The following ARHGAP26 variants were observed in gnomAD, a reference collection of about 807,000 sequenced individuals.
ARHGAP26 encodes the protein Rho GTPase activating protein 26, also known as rho GTPase-activating protein 26.
ARHGAP26 carries 38 observed loss-of-function variants against 104.8 expected under a neutral mutation model. The observed-to-expected ratio is 0.36, with a 90% CI of 0.28 to 0.48. The LOEUF is 0.48. Ranked by LOEUF, ARHGAP26 falls within the 20% of genes least tolerant of loss-of-function variation. The probability of loss-of-function intolerance (pLI) is 0.99; values close to 1 mark genes in which losing one functional copy is unlikely to be tolerated. For missense variants in ARHGAP26, 704 were observed against 947.9 expected (o/e 0.74, Z 3.38); for synonymous variants, 341 against 340.0 (o/e 1.00, Z -0.03).
At chr5:142,797,988 C>T (rs1051772324) in intron 1 of ARHGAP26, among the ~76,000 whole-genome samples, 45 of 152,304 alleles carry the variant, frequency 3.0e-4, no homozygotes, top group African/African-American at 8.9e-4. Context: ...TCTTCTTTTC[C>T]GCTATGTCCC....
intron 22 of ARHGAP26, among the ~76,000 whole-genome samples, chr5:143,215,606 T>C (rs1332326644): frequency 1.3e-5 from 2 of 152,190 alleles, no homozygotes; most frequent in African/African-American, 4.8e-5. Context: ...CCATACCTTT[T>C]AGCAGTCATG....
At chr5:142,837,545 T>A (rs1051062879) in intron 1 of ARHGAP26, among the ~76,000 whole-genome samples, 2 of 152,228 alleles carry the variant, frequency 1.3e-5, no homozygotes, top group African/African-American at 4.8e-5. Flanking sequence ...CAGTGGCCAG[T>A]TGTGCCTGCT....
chr5:142,795,519 A>G (rs1760811783), intron 1 of ARHGAP26, among the ~76,000 whole-genome samples: 1 of 152,154 alleles, frequency 6.6e-6, no homozygotes, highest in Non-Finnish European at 1.5e-5. Flanking sequence ...TGGTGTGTTC[A>G]GGAAGTGACC....
rs1794745813 is a variant in ARHGAP26, at chr5:143,111,294, G to T, written c.1539-9694G>T. 2.0e-5 allele frequency among the ~76,000 whole-genome samples: 3 copies of T among 152,158 alleles called. No homozygotes were observed. In the South Asian group the frequency reaches 6.2e-4, roughly 31 times the overall value. ...GAGATAAAATAACAGGATATGTATTGTATCTCTCCCTCTGTCTGTCAGTCT... is the reference window on the plus strand; with the variant it reads ...GAGATAAAATAACAGGATATGTATTTTATCTCTCCCTCTGTCTGTCAGTCT... On this transcript the variant is annotated intron_variant, in intron 17 of 22. Transcript: ENST00000645722.
chr5:142,953,068 CTT>C (rs1288237396), intron 11 of ARHGAP26, among the ~76,000 whole-genome samples: 9 of 152,090 alleles, frequency 5.9e-5, no homozygotes, highest in African/African-American at 2.2e-4. Flanking sequence ...GAGGATATAA[CTT>C]ATAACACCTT....
At position 143,223,846 on chromosome 5, in the gene ARHGAP26, T is replaced by G. The variant is rs920935835; in HGVS notation, c.*1400T>G. ...AAAGAGGCTGGATCTTGTGGAAGAC[T>G]GTCTTGGATGGGGAAGTACTACCTG... is the stretch of plus-strand genomic sequence containing the variant. On this transcript the variant is annotated 3_prime_UTR_variant, in exon 23 of 23. Coordinates refer to ENST00000645722, the MANE Select transcript of ARHGAP26 (RefSeq NM_001135608.3). The G allele has an allele frequency of 1.6e-4, 37 of 231,982 alleles. No homozygotes were observed. The highest frequency in any genetic ancestry group is 7.5e-4 in the African/African-American group (34 of 45,254). The allele number at this position is 231,982 out of a possible 1,614,324, so 14.4% of individuals were successfully genotyped here. A position where few individuals can be genotyped will look rare whatever the true frequency, so the allele number is the denominator to read the frequency against.
rs142053664 is a variant in ARHGAP26 at position 142,894,473 on chromosome 5, T to C, written c.597+125T>C. ...TGAGCAGCCCTGACACTGTCCCTTC[T>C]GTAAGTATCAGTGCTTTGCGAGCCT... On this transcript the variant is annotated intron_variant, in intron 6 of 22. Transcript: ENST00000645722. 4,108 of 842,070 alleles carry C rather than the reference T, an allele frequency of 4.9e-3. 22 individuals carry two copies. The highest frequency in any genetic ancestry group is 0.028 in the Middle Eastern group (89 of 3,188). The allele number at this position is 842,070 out of a possible 1,614,324, so 52.2% of individuals were successfully genotyped here. A position where few individuals can be genotyped will look rare whatever the true frequency, so the allele number is the denominator to read the frequency against.
intron 1 of ARHGAP26, among the ~76,000 whole-genome samples, chr5:142,856,687 A>G (rs1752406298): frequency 1.3e-5 from 2 of 152,198 alleles, no homozygotes; most frequent in South Asian, 4.1e-4. Flanking sequence ...TCTACTCTCA[A>G]GCAATACAGT....
chr5:143,060,515 A>G (rs1786545159), intron 17 of ARHGAP26, among the ~76,000 whole-genome samples: 1 of 152,142 alleles, frequency 6.6e-6, no homozygotes. Context: ...GGTACATCCA[A>G]ATCACAGAGA....
intron 18 of ARHGAP26, among the ~76,000 whole-genome samples, chr5:143,123,993 T>C (rs1026325967): frequency 2.6e-5 from 4 of 152,048 alleles, no homozygotes; most frequent in African/African-American, 9.7e-5. Context: ...AAACACACAA[T>C]GTCTAGGGGT....
chr5:143,222,284 C>CACA, intron 22 of ARHGAP26, 74 bp from the exon 23 acceptor site: 1 of 908,438 alleles, frequency 1.1e-6, no homozygotes, highest in South Asian at 1.9e-5. Flanking sequence ...CACACACACA[C>CACA]CCCACACACA....
rs561574034 is a variant in ARHGAP26, at chr5:142,992,441, T to A, written c.1108-21639T>A. On this transcript the variant is annotated intron_variant, in intron 11 of 22. Coordinates refer to ENST00000645722, the MANE Select transcript of ARHGAP26 (RefSeq NM_001135608.3). The stretch of plus-strand genomic sequence containing the variant: ...TTTATTTATTTTATTTTATTTTTTA[T>A]TTTTTTTTTTGAGAGGGAGTCTTGC... Among the ~76,000 whole-genome samples the A allele has an allele frequency of 1.3e-3, 188 of 143,530 alleles. 3 individuals are homozygous for A. The highest frequency in any genetic ancestry group is 3.6e-3 in the Middle Eastern group (1 of 274). 94.2% of individuals were successfully genotyped at this position (143,530 alleles called of 152,430 possible). A position where few individuals can be genotyped will look rare whatever the true frequency, so the allele number is the denominator to read the frequency against.
At chr5:142,853,295 C>T (rs1465705640) in intron 1 of ARHGAP26, among the ~76,000 whole-genome samples, 1 of 152,082 alleles carries the variant, frequency 6.6e-6, no homozygotes, top group East Asian at 1.9e-4. Flanking sequence ...AGTGATCCCC[C>T]TACCCCTACC....
At chr5:142,920,655 C>A (rs1763077303) in intron 10 of ARHGAP26, among the ~76,000 whole-genome samples, 1 of 152,164 alleles carries the variant, frequency 6.6e-6, no homozygotes, top group South Asian at 2.1e-4. Context: ...AGCATTGGTA[C>A]TCTCTAGAGG....
intron 11 of ARHGAP26, among the ~76,000 whole-genome samples, chr5:142,937,527 GCAATTGCT>G (rs1487179705): frequency 6.6e-6 from 1 of 152,206 alleles, no homozygotes; most frequent in Non-Finnish European, 1.5e-5. Context: ...CTATGACACA[GCAATTGCT>G]CTGGGGCATT....
intron 20 of ARHGAP26, among the ~76,000 whole-genome samples, chr5:143,168,325 A>G (rs957002395): frequency 9.9e-5 from 15 of 152,096 alleles, no homozygotes; most frequent in African/African-American, 3.6e-4. Context: ...ATTCCATGCT[A>G]GCTGGCTCCT....
intron 11 of ARHGAP26, among the ~76,000 whole-genome samples, chr5:142,962,425 A>G (rs1257696915): frequency 6.6e-6 from 1 of 152,188 alleles, no homozygotes; most frequent in East Asian, 1.9e-4. Flanking sequence ...GAACTGAAAG[A>G]GTAGGAAAAG....
intron 11 of ARHGAP26, among the ~76,000 whole-genome samples, chr5:142,950,247 G>C (rs1455835760): frequency 6.6e-6 from 1 of 152,168 alleles, no homozygotes; most frequent in Non-Finnish European, 1.5e-5. Flanking sequence ...GGCGGAGAGA[G>C]AGGGAACCCA....
intron 11 of ARHGAP26, among the ~76,000 whole-genome samples, chr5:142,958,394 T>A (rs1011064111): frequency 6.6e-6 from 1 of 152,226 alleles, no homozygotes; most frequent in African/African-American, 2.4e-5. Flanking sequence ...TGGCCAGGCA[T>A]AGTGGCTCAT....
Sources: allele counts gnomAD v4.1 joint callset (sites outside exome capture counted in the v4.1 genomes callset), GRCh38; gene constraint gnomAD v4.1.1; transcripts MANE v1.5; gene names NCBI Gene and HGNC (gene_info 2026-07-23, HGNC 2026-07-21).